The following DOCK1 variants were observed in gnomAD, a reference collection of about 807,000 sequenced individuals.
The protein encoded by DOCK1 is dedicator of cytokinesis 1.
Under a neutral mutation model 262.7 loss-of-function variants are expected in DOCK1, and 138 were observed. The ratio of observed to expected loss-of-function variants is 0.53; its 90% CI spans 0.46 to 0.61. DOCK1 has a LOEUF of 0.61. Among genes scored for constraint, DOCK1 ranks in the 20% least tolerant of loss-of-function variants. The probability of loss-of-function intolerance (pLI) is 0.00; values close to 1 mark genes in which losing one functional copy is unlikely to be tolerated. For synonymous variants in DOCK1, 866 were observed against 867.4 expected, an observed-to-expected ratio of 1.00 and a Z score of 0.03; for missense variants, 1,908 against 2,370.7, an observed-to-expected ratio of 0.80 and a Z score of 4.05.
Position 127,419,095 on chromosome 10 carries a change from C to T in DOCK1, c.4692+554C>T, listed in dbSNP as rs367804124. Reference sequence around the variant, plus strand: ...GCTGTTTTCCTGATACTGTAACTGGCGAGTTGAGTAGTGGCAGCATTGAGT... The same window carrying T: ...GCTGTTTTCCTGATACTGTAACTGGTGAGTTGAGTAGTGGCAGCATTGAGT... On this transcript the variant is annotated intron_variant, in intron 45 of 51. Transcript: ENST00000623213. Among the ~76,000 whole-genome samples the T allele has an allele frequency of 2.4e-4, 36 of 152,220 alleles. 1 individual carries two copies. In the South Asian group the frequency reaches 6.4e-3, roughly 27 times the overall value.
chr10:127,306,251 G>A (rs2061871815), intron 29 of DOCK1, among the ~76,000 whole-genome samples: 1 of 152,116 alleles, frequency 6.6e-6, no homozygotes. Context: ...CTGACTTCAG[G>A]TGATCCGCCT....
Position 127,176,746 on chromosome 10 carries a change from G to A in DOCK1, c.2847+48982G>A, listed in dbSNP as rs1040482060. On this transcript the variant is annotated intron_variant, in intron 27 of 51. Coordinates refer to ENST00000623213, the MANE Select transcript of DOCK1 (RefSeq NM_001290223.2). The surrounding 1 kb of genome is among the most constrained non-coding windows in gnomAD (Gnocchi z 4.4). ...TGCTTTGCAAATTATCTTTTCACAC[G>A]CGTGACTCCCCTTCTTAGGCAGATG... is the stretch of plus-strand genomic sequence containing the variant. 6.5e-5 allele frequency: 13 copies of A among 199,220 alleles called. No individual in the cohort carries two copies. Among genetic ancestry groups the A allele is most frequent in the South Asian group, 1.4e-4 (1 of 6,998 alleles). The allele number at this position is 199,220 out of a possible 1,614,324, so 12.3% of individuals were successfully genotyped here. A position where few individuals can be genotyped will look rare whatever the true frequency, so the allele number is the denominator to read the frequency against.
At chr10:127,276,576 C>T (rs2060749631) in intron 29 of DOCK1, among the ~76,000 whole-genome samples, 1 of 152,160 alleles carries the variant, frequency 6.6e-6, no homozygotes, top group Non-Finnish European at 1.5e-5. Flanking sequence ...GGGACTCGGA[C>T]ACTGGTGACA....
chr10:127,269,422 T>C (rs1300900203), intron 29 of DOCK1, among the ~76,000 whole-genome samples: 2 of 152,248 alleles, frequency 1.3e-5, no homozygotes, highest in African/African-American at 4.8e-5. Context: ...AATACAATTC[T>C]TTGCTTTCAT....
chr10:127,366,404 C>T (rs1055314360), intron 33 of DOCK1, among the ~76,000 whole-genome samples: 1 of 152,048 alleles, frequency 6.6e-6, no homozygotes, highest in Non-Finnish European at 1.5e-5. Flanking sequence ...CTGGGTTTTC[C>T]GGCTGCGGGT....
chr10:127,388,270 T>C (rs2066253155), intron 38 of DOCK1, among the ~76,000 whole-genome samples: 1 of 152,188 alleles, frequency 6.6e-6, no homozygotes, highest in African/African-American at 2.4e-5. Flanking sequence ...GAATGAGTTT[T>C]AGGAGGATTT....
At chr10:127,184,374 C>G (rs1034355595) in intron 27 of DOCK1, among the ~76,000 whole-genome samples, 1 of 141,794 alleles carries the variant, frequency 7.1e-6, no homozygotes. Context: ...TTTGTTTTTC[C>G]TTCCTGTTGC....
chr10:127,225,180 G>C (rs567395658), intron 27 of DOCK1, among the ~76,000 whole-genome samples: 2 of 152,216 alleles, frequency 1.3e-5, no homozygotes, highest in Non-Finnish European at 2.9e-5. Flanking sequence ...CAAGAATTGT[G>C]ATACATTACT....
chr10:127,238,522 G>A (rs1013876037), intron 27 of DOCK1, among the ~76,000 whole-genome samples: 12 of 152,046 alleles, frequency 7.9e-5, no homozygotes, highest in African/African-American at 1.2e-4. Context: ...ATAGTCTTCC[G>A]TAGGTCACAG....
intron 27 of DOCK1, among the ~76,000 whole-genome samples, chr10:127,226,997 C>T (rs1187209026): frequency 6.6e-6 from 1 of 152,136 alleles, no homozygotes; most frequent in Non-Finnish European, 1.5e-5. Context: ...GACCATGTTG[C>T]GTATTTTCTT....
intron 29 of DOCK1, among the ~76,000 whole-genome samples, chr10:127,334,063 A>G (rs544629342): frequency 3.4e-4 from 52 of 152,224 alleles, no homozygotes; most frequent in Non-Finnish European, 6.5e-4. Context: ...TAAATTGACA[A>G]ATAATAATTG....
chr10:126,929,578 T>C (rs887899089), intron 1 of DOCK1, among the ~76,000 whole-genome samples: 6 of 151,870 alleles, frequency 4.0e-5, no homozygotes, highest in Admixed American at 3.9e-4. Context: ...AGCGGCAGAC[T>C]GGGAGGAGCC....
At chr10:127,357,124 T>G (rs920939992) in intron 32 of DOCK1, among the ~76,000 whole-genome samples, 1 of 152,154 alleles carries the variant, frequency 6.6e-6, no homozygotes, top group African/African-American at 2.4e-5. Flanking sequence ...CCTCCACTGC[T>G]CTCCATGTGC....
In DOCK1 at chr10:127,142,071, C is replaced by T. The variant is rs1361577730; in HGVS notation, c.2847+14307C>T. ...ACCACAGTCGCTGTGCTAAGGGGAG[C>T]GTGAGAGTTACTTTGTCCCCTTTTC... On this transcript the variant is annotated intron_variant, in intron 27 of 51. Coordinates refer to ENST00000623213, the MANE Select transcript of DOCK1 (RefSeq NM_001290223.2). Among the ~76,000 whole-genome samples the T allele has an allele frequency of 5.3e-5, 8 of 152,272 alleles. No homozygotes were observed. In the South Asian group the frequency reaches 8.3e-4, roughly 16 times the overall value.
intron 12 of DOCK1, chr10:127,015,201 A>ATT: frequency 6.6e-6 from 1 of 152,056 alleles, no homozygotes; most frequent in South Asian, 2.1e-4. Context: ...ATATTTAAAA[A>ATT]AAAAAAGGAA....
chr10:127,444,162 G>C lies in DOCK1; in HGVS notation c.5296G>C (p.Val1766Leu). 3 of 1,588,696 alleles carry C rather than the reference G, an allele frequency of 1.9e-6. No homozygotes were observed. Among genetic ancestry groups the C allele is most frequent in the Non-Finnish European group, 2.6e-6 (3 of 1,168,360 alleles). ...GCGGCCCCAGAGACCGAAGAGCCAG[G>C]TGATGAACGTCATTGGAAGCGAAAG... Reference protein sequence around the residue: ...PLRPQRPKSQVMNVIGSERRF... With the variant: ...PLRPQRPKSQLMNVIGSERRF... The change falls in exon 50 of 52, where the codon GTG becomes CTG. Residue 1766 changes from valine to leucine, a missense_variant. This residue lies in a region of DOCK1 where 383 missense variants were observed against 420.1 expected (regional missense o/e 0.91). Coordinates refer to ENST00000623213, the MANE Select transcript of DOCK1 (RefSeq NM_001290223.2).
chr10:126,998,848 G>T (rs2040394085), intron 8 of DOCK1: 1 of 157,526 alleles, frequency 6.3e-6, no homozygotes, highest in Non-Finnish European at 1.4e-5. Context: ...GTGTGTCTGT[G>T]TATATGTTAA....
chr10:127,004,044 G>T (rs1420127004), intron 10 of DOCK1, among the ~76,000 whole-genome samples: 5 of 151,978 alleles, frequency 3.3e-5, no homozygotes, highest in Admixed American at 3.3e-4. Context: ...AATGAGGTCA[G>T]GAGTTCGAGA....
At chr10:127,382,780 A>G (rs186256792) in intron 37 of DOCK1, among the ~76,000 whole-genome samples, 1 of 152,362 alleles carries the variant, frequency 6.6e-6, no homozygotes, top group East Asian at 1.9e-4. Flanking sequence ...GTAAACTTTT[A>G]TATGCATGTG....
Sources: allele counts gnomAD v4.1 joint callset (sites outside exome capture counted in the v4.1 genomes callset), GRCh38; gene constraint gnomAD v4.1.1; regional missense constraint gnomAD v4.1.1; non-coding constraint Gnocchi (gnomAD v3.1); transcripts MANE v1.5; gene names NCBI Gene and HGNC (gene_info 2026-07-23, HGNC 2026-07-21).